Variants in HPSE2 observed in about 807,000 individuals in gnomAD.
HPSE2 encodes the protein inactive heparanase-2.
A neutral mutation model predicts 60.5 loss-of-function variants in HPSE2; 38 were observed. The ratio of observed to expected loss-of-function variants is 0.63; its 90% confidence interval spans 0.48 to 0.82. The LOEUF (loss-of-function observed/expected upper bound fraction) is 0.82, where lower values mean the gene tolerates loss of function less well. HPSE2 is among the 40% of genes least tolerant of loss of function. The probability of loss-of-function intolerance (pLI) is 0.00; values close to 1 mark genes in which losing one functional copy is unlikely to be tolerated. For synonymous variants in HPSE2, 295 were observed against 293.2 expected, an observed-to-expected ratio of 1.01 and a Z score of -0.06; for missense variants, 713 against 740.4, an observed-to-expected ratio of 0.96 and a Z score of 0.43.
intron 5 of HPSE2, among the ~76,000 whole-genome samples, chr10:98,716,646 C>G (rs1948798232): frequency 6.6e-6 from 1 of 151,896 alleles, no homozygotes; most frequent in South Asian, 2.1e-4. Context: ...TAATGTATTT[C>G]TTAAATAATA....
intron 3 of HPSE2, among the ~76,000 whole-genome samples, chr10:99,087,227 G>C (rs1034628797): frequency 2.0e-5 from 3 of 152,146 alleles, no homozygotes; most frequent in African/African-American, 7.2e-5. Flanking sequence ...ATAGTAATGG[G>C]CGGGGCCCAT....
At chr10:98,600,744 T>C (rs1385401741) in intron 9 of HPSE2, among the ~76,000 whole-genome samples, 1 of 111,056 alleles carries the variant, frequency 9.0e-6, no homozygotes, top group Non-Finnish European at 2.2e-5. Context: ...TGTATATACA[T>C]ACACACAAAA....
chr10:98,599,749 A>G (rs1201063289), intron 9 of HPSE2, among the ~76,000 whole-genome samples: 1 of 152,068 alleles, frequency 6.6e-6, no homozygotes, highest in Non-Finnish European at 1.5e-5. Context: ...TCTGTGCTCT[A>G]CCTAGGTGCT....
intron 3 of HPSE2, among the ~76,000 whole-genome samples, chr10:98,821,004 C>T (rs1480658113): frequency 6.6e-6 from 1 of 152,184 alleles, no homozygotes; most frequent in Admixed American, 6.6e-5. Context: ...CCTTCCCCTA[C>T]CTGTTGATGA....
chr10:99,027,299 C>T (rs1021664848), intron 3 of HPSE2, among the ~76,000 whole-genome samples: 2 of 150,712 alleles, frequency 1.3e-5, no homozygotes, highest in African/African-American at 4.9e-5. Flanking sequence ...ACAAGTGATA[C>T]TGCAGAAATC....
At chr10:99,283,659 T>A in the HPSE2 span, among the ~76,000 whole-genome samples, 3 of 150,936 alleles carry the variant, frequency 2.0e-5, no homozygotes, top group African/African-American at 7.3e-5. Flanking sequence ...AAATCAGAAA[T>A]GAAAAAGGGG....
chr10:98,849,945 C>G (rs755844577), intron 3 of HPSE2, among the ~76,000 whole-genome samples: 4 of 152,210 alleles, frequency 2.6e-5, no homozygotes, highest in African/African-American at 9.6e-5. Flanking sequence ...GGTTTCTCCA[C>G]GTTTGTCAGG....
intron 3 of HPSE2, among the ~76,000 whole-genome samples, chr10:98,892,605 A>T (rs1953367630): frequency 6.6e-6 from 1 of 152,226 alleles, no homozygotes; most frequent in African/African-American, 2.4e-5. Flanking sequence ...AACAAAAAAG[A>T]TGCTCACAAC....
chr10:98,986,926 T>C (rs1240585791), intron 3 of HPSE2, among the ~76,000 whole-genome samples: 3 of 151,964 alleles, frequency 2.0e-5, no homozygotes, highest in Non-Finnish European at 4.4e-5. Flanking sequence ...ACATAAACCC[T>C]CCCAAGACTA....
chr10:98,533,499 A>G (rs947208156), intron 9 of HPSE2, among the ~76,000 whole-genome samples: 1 of 152,222 alleles, frequency 6.6e-6, no homozygotes, highest in Non-Finnish European at 1.5e-5. Context: ...AATTTTAAAC[A>G]TATGTTTTTT....
intron 3 of HPSE2, among the ~76,000 whole-genome samples, chr10:98,764,862 G>A (rs548946897): frequency 2.3e-4 from 35 of 152,028 alleles, no homozygotes; most frequent in East Asian, 2.1e-3. Flanking sequence ...GCCAGACTCC[G>A]TCATAAAAAA....
chr10:98,468,035 C>G (rs1940621253), intron 11 of HPSE2, among the ~76,000 whole-genome samples: 1 of 152,262 alleles, frequency 6.6e-6, no homozygotes, highest in Non-Finnish European at 1.5e-5. Context: ...CGGCCCCGCA[C>G]CTGTTTGTGC....
intron 3 of HPSE2, among the ~76,000 whole-genome samples, chr10:98,866,958 T>C (rs936416681): frequency 6.6e-6 from 1 of 152,152 alleles, no homozygotes; most frequent in Non-Finnish European, 1.5e-5. Flanking sequence ...GTACTGGAAA[T>C]GGTAACTACA....
chr10:98,967,195 C>T (rs1955835124), intron 3 of HPSE2, among the ~76,000 whole-genome samples: 1 of 152,164 alleles, frequency 6.6e-6, no homozygotes, highest in African/African-American at 2.4e-5. Flanking sequence ...TGGGTATAAG[C>T]TCAGAGGCAA....
the HPSE2 span, among the ~76,000 whole-genome samples, chr10:99,262,079 C>T: frequency 6.6e-6 from 1 of 152,168 alleles, no homozygotes; most frequent in Non-Finnish European, 1.5e-5. Flanking sequence ...ACTGCCCGAT[C>T]GCCTCGGAAG....
chr10:99,029,833 G>A (rs980620124), intron 3 of HPSE2, among the ~76,000 whole-genome samples: 2 of 152,136 alleles, frequency 1.3e-5, no homozygotes, highest in Admixed American at 6.6e-5. Flanking sequence ...TCCACAAGAG[G>A]TGGAGGAGCA....
chr10:99,261,299 G>A, the HPSE2 span, among the ~76,000 whole-genome samples: 2 of 151,998 alleles, frequency 1.3e-5, no homozygotes, highest in African/African-American at 2.4e-5. Flanking sequence ...TTGTTCCTCA[G>A]CCTCTGCTCC....
In HPSE2 at chr10:98,810,583, C is replaced by T. The variant is rs1035093089; in HGVS notation, c.611-66527G>A. Reference sequence around the variant, plus strand: ...TGAAGTATGAGCTTCATTAACTTCACGGTAAATCCATGTGTGACTTCTTTA... The same window carrying T: ...TGAAGTATGAGCTTCATTAACTTCATGGTAAATCCATGTGTGACTTCTTTA... On this transcript the variant is annotated intron_variant, in intron 3 of 11. Coordinates refer to ENST00000370552, the MANE Select transcript of HPSE2 (RefSeq NM_021828.5). 2.6e-5 allele frequency among the ~76,000 whole-genome samples: 4 copies of T among 152,130 alleles called. No individual in the cohort carries two copies. In the East Asian group the frequency reaches 7.7e-4, roughly 29 times the overall value.
intron 9 of HPSE2, among the ~76,000 whole-genome samples, chr10:98,614,150 C>G (rs1284383881): frequency 6.6e-6 from 1 of 152,158 alleles, no homozygotes; most frequent in Non-Finnish European, 1.5e-5. Context: ...TAACACTCCC[C>G]CATCTGCTTT....
Sources: allele counts gnomAD v4.1 joint callset (sites outside exome capture counted in the v4.1 genomes callset), GRCh38; gene constraint gnomAD v4.1.1; transcripts MANE v1.5; gene names NCBI Gene and HGNC (gene_info 2026-07-23, HGNC 2026-07-21).